Variants in ACACB observed in about 807,000 individuals in gnomAD.
The protein encoded by ACACB is acetyl-CoA carboxylase 2.
ACACB carries 209 observed loss-of-function variants against 278.8 expected under a neutral mutation model. That is an observed-to-expected ratio of 0.75 (90% CI 0.67 to 0.84). ACACB has a LOEUF of 0.84. Ranked by LOEUF, ACACB falls within the 40% of genes least tolerant of loss-of-function variation. ACACB has a pLI of 0.00. For synonymous variants in ACACB, 1,174 were observed against 1,285.6 expected (o/e 0.91, Z 1.86); for missense variants, 2,850 against 3,269.0 (o/e 0.87, Z 3.13).
intron 47 of ACACB, 127 bp from the exon 48 acceptor site, chr12:109,260,353 C>G: frequency 1.6e-6 from 2 of 1,274,502 alleles, no homozygotes; most frequent in East Asian, 4.6e-5. Flanking sequence ...CTCTCAAATC[C>G]CAGCCCAGTG....
intron 47 of ACACB, 87 bp from the exon 48 acceptor site, chr12:109,260,393 T>C: frequency 6.5e-7 from 1 of 1,540,816 alleles, no homozygotes; most frequent in South Asian, 1.2e-5. Context: ...GGGCTCACTC[T>C]CCCAGGACCC....
upstream of ACACB, among the ~76,000 whole-genome samples, chr12:109,112,573 A>G (rs1387868314): frequency 6.6e-6 from 1 of 151,804 alleles, no homozygotes; most frequent in Non-Finnish European, 1.5e-5. Flanking sequence ...GTGGTGGCAC[A>G]TGCCTGTAAT....
At chr12:109,114,432 G>A (rs1282535134), upstream of ACACB, among the ~76,000 whole-genome samples, 1 of 152,136 alleles carries the variant, frequency 6.6e-6, no homozygotes, top group Non-Finnish European at 1.5e-5. Flanking sequence ...CCCATCCCTG[G>A]AAATTCTGAT....
chr12:109,207,048 T>C (rs937985023), intron 20 of ACACB, among the ~76,000 whole-genome samples, 192 bp downstream of exon 20: 1 of 152,138 alleles, frequency 6.6e-6, no homozygotes, highest in African/African-American at 2.4e-5. Context: ...CTCGACCTCC[T>C]GGGCTCAAGA....
chr12:109,243,897 T>TATATATATATATA (rs1565965174), intron 37 of ACACB, among the ~76,000 whole-genome samples: 2 of 147,414 alleles, frequency 1.4e-5, no homozygotes, highest in African/African-American at 4.9e-5. Context: ...ATATATATAT[T>TATATATATATATA]TATTTATTTA....
At chr12:109,171,967 T>TA (rs2044132701) in intron 5 of ACACB, 53 bp downstream of exon 5, 10 of 1,428,752 alleles carry the variant, frequency 7.0e-6, no homozygotes, top group Non-Finnish European at 9.9e-6. Flanking sequence ...ATGATGCCCC[T>TA]AGGTTCTAGT....
At chr12:109,199,044 G>C (rs951545044) in intron 17 of ACACB, among the ~76,000 whole-genome samples, 2 of 152,086 alleles carry the variant, frequency 1.3e-5, no homozygotes, top group Non-Finnish European at 2.9e-5. Flanking sequence ...AAAAAAATTA[G>C]CTGGATGTGG....
chr12:109,259,923 G>A (rs1416273563), intron 47 of ACACB: 9 of 496,498 alleles, frequency 1.8e-5, no homozygotes, highest in Non-Finnish European at 2.9e-5. Context: ...TGACATCACT[G>A]AGCCTCAGTT....
rs537211312 is a variant in ACACB at position 109,119,900 on chromosome 12, A to G, written c.-10+3196A>G. Among the ~76,000 whole-genome samples the G allele has an allele frequency of 5.4e-5, 8 of 147,220 alleles. No homozygotes were observed. In the East Asian group the frequency reaches 1.5e-3, roughly 27 times the overall value. ...ACAGAGCGAGACTCCATCTCAGAAGAAAAAAAAAAAGGATTAAAGGATTTT... is the reference window on the plus strand; with the variant it reads ...ACAGAGCGAGACTCCATCTCAGAAGGAAAAAAAAAAGGATTAAAGGATTTT... On this transcript the variant is annotated intron_variant, in intron 1 of 52. Coordinates refer to ENST00000338432, the MANE Select transcript of ACACB (RefSeq NM_001093.4).
At chr12:109,226,347 G>A (rs963071127) in intron 27 of ACACB, among the ~76,000 whole-genome samples, 1 of 151,964 alleles carries the variant, frequency 6.6e-6, no homozygotes, top group Non-Finnish European at 1.5e-5. Context: ...TCTAAAGCAG[G>A]GTTTGATAAA....
rs141536237 is a variant in ACACB, at chr12:109,189,599, A to G, written c.2144+1437A>G. ...TCAGGTTGAAGGACTTCTCAGTGCTAAAATGGGGACCACCCCAAGGAAACT... is the reference window on the plus strand; with the variant it reads ...TCAGGTTGAAGGACTTCTCAGTGCTGAAATGGGGACCACCCCAAGGAAACT... On this transcript the variant is annotated intron_variant, in intron 13 of 52. Coordinates refer to ENST00000338432, the MANE Select transcript of ACACB (RefSeq NM_001093.4). Among the ~76,000 whole-genome samples the G allele has an allele frequency of 2.0e-3, 298 of 152,292 alleles. 2 individuals carry two copies. Among genetic ancestry groups the G allele is most frequent in the African/African-American group, 6.7e-3 (278 of 41,562 alleles).
At chr12:109,249,173 T>C (rs940815253) in intron 40 of ACACB, 35 of 152,190 alleles carry the variant, frequency 2.3e-4, no homozygotes, top group African/African-American at 8.2e-4. Context: ...AGGGCTTCAG[T>C]ATTTAAAGGA....
intron 2 of ACACB, among the ~76,000 whole-genome samples, 198 bp downstream of exon 2, chr12:109,140,256 ATCCTTCCTTCCTTCTT>A (rs1243573406): frequency 0.068 from 5,626 of 83,252 alleles, 931 homozygotes; most frequent in Non-Finnish European, 0.081. Flanking sequence ...CCTTCCTTCC[ATCCTTCCTTCCTTCTT>A]TCCTTCCTTC....
intron 2 of ACACB, among the ~76,000 whole-genome samples, chr12:109,160,089 CAA>C (rs55905665): frequency 1.1e-5 from 1 of 87,974 alleles, no homozygotes; most frequent in Admixed American, 1.2e-4. Context: ...GACTCTGTCT[CAA>C]AAAAAAAAAA....
intron 49 of ACACB, among the ~76,000 whole-genome samples, chr12:109,262,809 G>C (rs1267317303): frequency 6.6e-6 from 1 of 151,354 alleles, no homozygotes; most frequent in African/African-American, 2.4e-5. Context: ...TAGATGTGGG[G>C]TTTCGCCATG....
rs1197151887 is a variant in ACACB at position 109,252,996 on chromosome 12, C to A, written c.5902-19C>A. 11 of 1,591,456 alleles carry A rather than the reference C, an allele frequency of 6.9e-6. No individual in the cohort carries two copies. The highest frequency in any genetic ancestry group is 1.3e-5 in the African/African-American group (1 of 74,736). On this transcript the variant is annotated intron_variant, in intron 42 of 52. Transcript: ENST00000338432. ...CCTGCACCGTGCAGGACATTGCTAA[C>A]CATGTTGTGTCAAAGCAGGTCCTGG...
chr12:109,140,271 TTTCCTTCCTTCC>T (rs1192116234), intron 2 of ACACB, among the ~76,000 whole-genome samples: 807 of 40,162 alleles, frequency 0.02, 20 homozygotes, highest in Admixed American at 0.042. Context: ...TCCTTCCTTC[TTTCCTTCCTTCC>T]TTCCTTCCTT....
intron 16 of ACACB, 108 bp from the exon 17 acceptor site, chr12:109,196,900 T>C: frequency 7.8e-7 from 1 of 1,281,544 alleles, no homozygotes. Flanking sequence ...GTGTTCATCT[T>C]GGCCCTCTGT....
At chr12:109,114,785 G>A (rs569655656), upstream of ACACB, among the ~76,000 whole-genome samples, 1 of 151,998 alleles carries the variant, frequency 6.6e-6, no homozygotes, top group East Asian at 1.9e-4. Context: ...CCAGGAGTTC[G>A]AGGCTGCAGT....
Sources: allele counts gnomAD v4.1 joint callset (sites outside exome capture counted in the v4.1 genomes callset), GRCh38; gene constraint gnomAD v4.1.1; transcripts MANE v1.5; gene names NCBI Gene and HGNC (gene_info 2026-07-23, HGNC 2026-07-21).